SYT14: variants seen among roughly 807,000 people sequenced by gnomAD.
SYT14 encodes synaptotagmin 14.
In SYT14, 32 loss-of-function variants were observed where a neutral mutation model predicts 74.2. The ratio of observed to expected loss-of-function variants is 0.43; its 90% CI spans 0.33 to 0.58. SYT14 has a LOEUF of 0.58. SYT14 is among the 20% of genes least tolerant of loss of function. The pLI is 0.05. For synonymous variants in SYT14, 298 were observed against 337.7 expected (o/e 0.88, Z 1.29); for missense variants, 791 against 981.8 (o/e 0.81, Z 2.60).
chr1:209,950,129 C>T (rs1337838150), intron 1 of SYT14, among the ~76,000 whole-genome samples: 4 of 151,870 alleles, frequency 2.6e-5, no homozygotes, highest in Non-Finnish European at 4.4e-5. Flanking sequence ...ATATTAAATA[C>T]GGGGGAGAGT....
rs373009349 is a variant in SYT14 at position 210,013,841 on chromosome 1, G to A, written c.-321+44G>A. On this transcript the variant is annotated intron_variant, in intron 3 of 9. Transcript: ENST00000637265. ...CTTCTCTTGTTTGTTCTTTTTATCC[G>A]TACTATTATTTACTTATTTTAATAT... 34 of 1,572,086 alleles carry A rather than the reference G, an allele frequency of 2.2e-5. No individual in the cohort carries two copies. The South Asian group carries it at 2.6e-4, about 12-fold the overall frequency.
At chr1:210,104,882 T>C (rs552442920) in intron 7 of SYT14, among the ~76,000 whole-genome samples, 1 of 152,288 alleles carries the variant, frequency 6.6e-6, no homozygotes, top group Non-Finnish European at 1.5e-5. Context: ...AAATCCTTGG[T>C]TTATTTTCAT....
chr1:210,100,543 C>A, intron 7 of SYT14, 82 bp downstream of exon 6: 1 of 1,381,852 alleles, frequency 7.2e-7, no homozygotes, highest in Non-Finnish European at 1.0e-6. Context: ...TTTAATCAAG[C>A]CAACAAGTTT....
rs775517244 is a variant in SYT14, at chr1:209,954,708, C to CT, written c.-486+1966dup. Among the ~76,000 whole-genome samples the CT allele has an allele frequency of 8.4e-3, 1,200 of 142,994 alleles. 16 individuals carry two copies. Among genetic ancestry groups the CT allele is most frequent in the African/African-American group, 0.024 (957 of 39,256 alleles). 93.8% of individuals were successfully genotyped at this position (142,994 alleles called of 152,430 possible). On this transcript the variant is annotated intron_variant, in intron 2 of 9. Coordinates refer to ENST00000637265, the Ensembl canonical transcript of SYT14. The stretch of plus-strand genomic sequence containing the variant: ...TCACAACCTCCTTTATTCTTTCTCT[C>CT]TTTTTTTTTTTTTTCCAGAGACAGA...
intron 7 of SYT14, among the ~76,000 whole-genome samples, chr1:210,110,867 C>T (rs2082248979): frequency 6.6e-6 from 1 of 152,204 alleles, no homozygotes; most frequent in Non-Finnish European, 1.5e-5. Flanking sequence ...GCCTCAGCCT[C>T]CCGAGTAGCT....
At position 210,015,757 on chromosome 1, in the gene SYT14, G is replaced by GA. The variant is rs1020055412; in HGVS notation, c.-241dup. 9 of 577,144 alleles carry GA rather than the reference G, an allele frequency of 1.6e-5. No homozygotes were observed. The East Asian group carries it at 2.6e-4, about 17-fold the overall frequency. The allele number at this position is 577,144 out of a possible 1,614,324, so 35.8% of individuals were successfully genotyped here. A position where few individuals can be genotyped will look rare whatever the true frequency, so the allele number is the denominator to read the frequency against. ...TGCTGTTATAATAGCTGTGGAGTGA[G>GA]AAAAAATGTCATAACGTTTAAACCA... On this transcript the variant is annotated 5_prime_UTR_variant, in exon 4 of 10. Transcript: ENST00000637265.
intron 5 of SYT14, among the ~76,000 whole-genome samples, chr1:210,069,596 G>A (rs1218991467): frequency 1.3e-5 from 2 of 151,786 alleles, no homozygotes; most frequent in African/African-American, 2.4e-5. Context: ...TTGTTATAAT[G>A]TGCTTACACA....
At chr1:210,037,262 T>G (rs2080684770) in intron 5 of SYT14, among the ~76,000 whole-genome samples, 1 of 151,948 alleles carries the variant, frequency 6.6e-6, no homozygotes, top group Non-Finnish European at 1.5e-5. Context: ...ATTTCTGTGG[T>G]ATCACTTATA....
intron 7 of SYT14, among the ~76,000 whole-genome samples, chr1:210,118,890 A>G (rs780789912): frequency 3.3e-5 from 5 of 152,180 alleles, no homozygotes; most frequent in Non-Finnish European, 7.4e-5. Flanking sequence ...AACAGAAGCA[A>G]TGTTTTATTC....
intron 2 of SYT14, among the ~76,000 whole-genome samples, chr1:209,975,678 G>A (rs2079348545): frequency 6.6e-6 from 1 of 152,112 alleles, no homozygotes; most frequent in African/African-American, 2.4e-5. Context: ...TTTTGGTTGT[G>A]TCTCTGCCAG....
chr1:209,953,903 T>C (rs2078951959), intron 2 of SYT14, among the ~76,000 whole-genome samples: 1 of 152,242 alleles, frequency 6.6e-6, no homozygotes, highest in African/African-American at 2.4e-5. Context: ...ATAACTATTG[T>C]TGATTTGTGC....
intron 5 of SYT14, among the ~76,000 whole-genome samples, chr1:210,090,330 C>A (rs1270214017): frequency 6.6e-6 from 1 of 151,280 alleles, no homozygotes; most frequent in Non-Finnish European, 1.5e-5. Context: ...ATTAATTGCT[C>A]AGCATATAAT....
intron 7 of SYT14, among the ~76,000 whole-genome samples, chr1:210,119,475 T>C (rs1025340853): frequency 3.3e-5 from 5 of 152,182 alleles, no homozygotes; most frequent in African/African-American, 1.2e-4. Flanking sequence ...TTGAATGAAA[T>C]TGTTTATTAG....
chr1:210,025,174 G>A (rs1386715994), intron 5 of SYT14, among the ~76,000 whole-genome samples: 1 of 152,170 alleles, frequency 6.6e-6, no homozygotes, highest in African/African-American at 2.4e-5. Context: ...TGGGAAGGAA[G>A]GGGATTTGCG....
At chr1:209,948,397 C>T (rs1313968182) in intron 1 of SYT14, among the ~76,000 whole-genome samples, 1 of 152,190 alleles carries the variant, frequency 6.6e-6, no homozygotes, top group African/African-American at 2.4e-5. Context: ...TCTCTTACAC[C>T]CCTTATGCCA....
chr1:209,943,359 G>A (rs34754146), intron 1 of SYT14, among the ~76,000 whole-genome samples: 6 of 151,948 alleles, frequency 3.9e-5, no homozygotes, highest in Admixed American at 1.3e-4. Context: ...ACAAAACTTA[G>A]CTGGGTGTAG....
At position 210,021,191 on chromosome 1, in the gene SYT14, C is replaced by T; in HGVS notation, c.1249C>T (p.Gln417Ter). 6.2e-7 allele frequency: 1 copy of T among 1,613,972 alleles called. No homozygotes were observed. Among genetic ancestry groups the T allele is most frequent in the Non-Finnish European group, 8.5e-7 (1 of 1,179,894 alleles). ...AAGGAACTATGCTTGGGAAACAAGG[C>T]AGAAATACAGTCCTCTATCGGCAGA... The change falls in exon 5 of 10, where the codon CAG (glutamine) becomes TAG (stop). Residue 417 changes from glutamine (Q) to a stop codon, truncating the protein, a stop_gained. Coordinates refer to ENST00000637265, the Ensembl canonical transcript of SYT14. LOFTEE classifies it high-confidence loss of function.
intron 7 of SYT14, among the ~76,000 whole-genome samples, chr1:210,110,679 G>A (rs1436589082): frequency 1.3e-5 from 2 of 152,148 alleles, no homozygotes; most frequent in African/African-American, 4.8e-5. Context: ...GTCATAATTT[G>A]GTTCTATTTA....
At chr1:209,999,405 A>G (rs2079853682) in intron 2 of SYT14, among the ~76,000 whole-genome samples, 1 of 152,160 alleles carries the variant, frequency 6.6e-6, no homozygotes. Flanking sequence ...TCTACTGGGT[A>G]TTTATCTGAG....
Sources: allele counts gnomAD v4.1 joint callset (sites outside exome capture counted in the v4.1 genomes callset), GRCh38; gene constraint gnomAD v4.1.1; transcripts MANE v1.5; gene names NCBI Gene and HGNC (gene_info 2026-07-23, HGNC 2026-07-21).